Variants in SEMA5A observed in about 807,000 individuals in gnomAD.
SEMA5A encodes the protein semaphorin-5A.
In SEMA5A, 55 loss-of-function variants were observed where a neutral mutation model predicts 135.5. The ratio of observed to expected loss-of-function variants is 0.41; its 90% confidence interval spans 0.33 to 0.51. The LOEUF (loss-of-function observed/expected upper bound fraction) is 0.51, where lower values mean the gene tolerates loss of function less well. SEMA5A is among the 20% of genes least tolerant of loss of function. The pLI is 0.37. For synonymous variants in SEMA5A, 580 were observed against 546.5 expected (o/e 1.06, Z -0.85); for missense variants, 1,290 against 1,419.9 (o/e 0.91, Z 1.47).
intron 1 of SEMA5A, among the ~76,000 whole-genome samples, chr5:9,462,272 A>C (rs1353572504): frequency 6.6e-6 from 1 of 152,214 alleles, no homozygotes; most frequent in African/African-American, 2.4e-5. Flanking sequence ...AACCACAATG[A>C]GATACCACCT....
intron 1 of SEMA5A, among the ~76,000 whole-genome samples, chr5:9,477,109 C>T (rs1294304889): frequency 1.3e-5 from 2 of 152,040 alleles, no homozygotes; most frequent in Admixed American, 1.3e-4. Flanking sequence ...CTTTCTCCTT[C>T]TCATTCTCTC....
intron 2 of SEMA5A, among the ~76,000 whole-genome samples, chr5:9,436,139 A>T (rs2458361): frequency 0.91 from 139,246 of 152,230 alleles, 64,174 homozygotes; most frequent in Middle Eastern, 0.97. Context: ...AAGAATACGA[A>T]CCTGAAAGGG....
chr5:9,382,419 G>A, intron 2 of SEMA5A, among the ~76,000 whole-genome samples: 1 of 151,846 alleles, frequency 6.6e-6, no homozygotes, highest in South Asian at 2.1e-4. Context: ...AAAGGAAAGA[G>A]GCCTTCTTTA....
chr5:9,197,770 GTGTGTGTGTGTGTGTTTT>G (rs1468296760), intron 9 of SEMA5A, among the ~76,000 whole-genome samples: 18 of 139,470 alleles, frequency 1.3e-4, no homozygotes, highest in South Asian at 4.5e-4. Flanking sequence ...GTGTGTGTGT[GTGTGTGTGTGTGTGTTTT>G]AACCCAGATA....
intron 1 of SEMA5A, among the ~76,000 whole-genome samples, chr5:9,544,202 G>A (rs1440707467): frequency 6.6e-6 from 1 of 151,994 alleles, no homozygotes; most frequent in Non-Finnish European, 1.5e-5. Flanking sequence ...TAAGCTAGAC[G>A]TAAAACTTGT....
chr5:9,115,732 C>T (rs911710603), intron 15 of SEMA5A, among the ~76,000 whole-genome samples: 4 of 152,136 alleles, frequency 2.6e-5, no homozygotes, highest in Admixed American at 2.6e-4. Flanking sequence ...GACTGGGGAA[C>T]AGAGAATCAA....
chr5:9,294,427 G>A (rs1421843702), intron 5 of SEMA5A, among the ~76,000 whole-genome samples: 3 of 152,162 alleles, frequency 2.0e-5, no homozygotes, highest in African/African-American at 4.8e-5. Context: ...CAGATGCCAC[G>A]AGATGGATGC....
At chr5:9,290,698 G>T in intron 5 of SEMA5A, among the ~76,000 whole-genome samples, 1 of 152,134 alleles carries the variant, frequency 6.6e-6, no homozygotes, top group East Asian at 1.9e-4. Context: ...TGATATATGT[G>T]TATATACATA....
intron 4 of SEMA5A, among the ~76,000 whole-genome samples, chr5:9,328,977 T>C (rs1752995950): frequency 6.6e-6 from 1 of 152,122 alleles, no homozygotes; most frequent in Non-Finnish European, 1.5e-5. Context: ...TCACCTATAA[T>C]TACTTCCCCC....
At chr5:9,107,949 A>G (rs1227153083) in intron 16 of SEMA5A, among the ~76,000 whole-genome samples, 191 bp downstream of exon 16, 1 of 152,228 alleles carries the variant, frequency 6.6e-6, no homozygotes, top group Non-Finnish European at 1.5e-5. Flanking sequence ...CAGAGCTTCT[A>G]GAATGTACAG....
rs112437159 is a variant in SEMA5A at position 9,126,556 on chromosome 5, C to CAAAA, written c.1600-3723_1600-3720dup. ...GCACTGGGAACAACAGGAATGACAGCAAAAAAAAAAAAAGAGCTGAATTAT... is the reference window on the plus strand; with the variant it reads ...GCACTGGGAACAACAGGAATGACAGCAAAAAAAAAAAAAAAAAGAGCTGAATTAT... On this transcript the variant is annotated intron_variant, in intron 13 of 22. Transcript: ENST00000382496. Among the ~76,000 whole-genome samples, 405 of 136,550 alleles carry CAAAA rather than the reference C, an allele frequency of 3.0e-3. 5 individuals are homozygous for CAAAA. The highest frequency in any genetic ancestry group is 8.2e-3 in the African/African-American group (302 of 36,636). The allele number at this position is 136,550 out of a possible 152,430, so 89.6% of individuals were successfully genotyped here.
At chr5:9,349,703 C>T (rs1043087408) in intron 3 of SEMA5A, among the ~76,000 whole-genome samples, 2 of 152,086 alleles carry the variant, frequency 1.3e-5, no homozygotes, top group Non-Finnish European at 2.9e-5. Flanking sequence ...AGATCAAGAC[C>T]ATCCTGGCTA....
At chr5:9,110,293 G>T (rs554207134) in intron 15 of SEMA5A, among the ~76,000 whole-genome samples, 1 of 152,304 alleles carries the variant, frequency 6.6e-6, no homozygotes, top group South Asian at 2.1e-4. Context: ...AGGAGTTGGT[G>T]CTTCATCTTG....
chr5:9,461,112 C>T (rs189400503), intron 1 of SEMA5A, among the ~76,000 whole-genome samples: 66 of 152,202 alleles, frequency 4.3e-4, no homozygotes, highest in African/African-American at 1.6e-3. Flanking sequence ...TGGTCGTTGG[C>T]TTTTCTCAAA....
chr5:9,382,105 G>A (rs1384360472), intron 2 of SEMA5A, among the ~76,000 whole-genome samples: 6 of 151,876 alleles, frequency 4.0e-5, no homozygotes, highest in Non-Finnish European at 5.9e-5. Flanking sequence ...AGACCAACCT[G>A]GGAAATATAA....
chr5:9,447,538 G>T (rs977453990), intron 1 of SEMA5A, among the ~76,000 whole-genome samples: 1 of 152,144 alleles, frequency 6.6e-6, no homozygotes, highest in Non-Finnish European at 1.5e-5. Context: ...TCTCATTTTC[G>T]CATTACGGCA....
chr5:9,444,360 G>A (rs1479770938), intron 1 of SEMA5A, among the ~76,000 whole-genome samples: 1 of 151,938 alleles, frequency 6.6e-6, no homozygotes, highest in Non-Finnish European at 1.5e-5. Context: ...TTTCCCCTGA[G>A]TCCCCAAAGG....
At position 9,168,987 on chromosome 5, in the gene SEMA5A, C is replaced by T. The variant is rs1743764214; in HGVS notation, c.1274-14292G>A. The stretch of plus-strand genomic sequence containing the variant: ...CTTAATGACATCACAAGACTCAGAC[C>T]CCTCTGCCAAAACTGGAACCTCCTT... On this transcript the variant is annotated intron_variant, in intron 11 of 22. Transcript: ENST00000382496. 3.9e-5 allele frequency among the ~76,000 whole-genome samples: 6 copies of T among 152,160 alleles called. No homozygotes were observed. In the South Asian group the frequency reaches 1.2e-3, roughly 32 times the overall value.
chr5:9,270,379 C>T (rs1210504417), intron 5 of SEMA5A, among the ~76,000 whole-genome samples: 3 of 151,914 alleles, frequency 2.0e-5, no homozygotes, highest in Non-Finnish European at 4.4e-5. Context: ...TCCTTGAGTC[C>T]CGGAGAATTA....
Sources: gnomAD v4.1 joint callset for allele counts (sites outside exome capture counted in the v4.1 genomes callset) on GRCh38, gnomAD v4.1.1 for gene constraint, MANE v1.5 for transcripts, NCBI Gene and HGNC (gene_info 2026-07-23, HGNC 2026-07-21) for gene names.